RANBP2: variants seen among roughly 807,000 people sequenced by gnomAD.
RANBP2 encodes the protein RAN binding protein 2.
A neutral mutation model predicts 303.6 loss-of-function variants in RANBP2; 57 were observed. The ratio of observed to expected loss-of-function variants is 0.19; its 90% CI spans 0.15 to 0.23. RANBP2 has a LOEUF of 0.23. RANBP2 is among the 10% of genes least tolerant of loss of function. The pLI, the probability that RANBP2 is intolerant of heterozygous loss-of-function variation, is 1.00. For missense variants in RANBP2, 3,138 were observed against 3,780.8 expected (o/e 0.83, Z 4.46); for synonymous variants, 1,167 against 1,301.5 (o/e 0.90, Z 2.23).
the RANBP2 span, among the ~76,000 whole-genome samples, chr2:109,475,679 A>G: frequency 6.6e-6 from 1 of 152,252 alleles, no homozygotes; most frequent in East Asian, 1.9e-4. Context: ...CCCAATTTCT[A>G]CTTTGTGGAT....
the RANBP2 span, among the ~76,000 whole-genome samples, chr2:109,412,248 T>C: frequency 6.6e-6 from 1 of 152,246 alleles, no homozygotes. Context: ...CCTTGGTCTC[T>C]CCTGGCCAAA....
At chr2:109,717,685 G>A in the RANBP2 span, among the ~76,000 whole-genome samples, 13 of 152,202 alleles carry the variant, frequency 8.5e-5, no homozygotes, top group Admixed American at 3.9e-4. Flanking sequence ...AGTCCAAGGC[G>A]GGTAGATCAA....
At chr2:109,452,531 C>A in the RANBP2 span, among the ~76,000 whole-genome samples, 1 of 152,222 alleles carries the variant, frequency 6.6e-6, no homozygotes, top group South Asian at 2.1e-4. Context: ...CCCTTCCATG[C>A]ATGTACCAGA....
At chr2:109,037,043 G>A in the RANBP2 span, among the ~76,000 whole-genome samples, 2 of 152,134 alleles carry the variant, frequency 1.3e-5, no homozygotes, top group East Asian at 1.9e-4. Context: ...TACTTGGGAG[G>A]CTGAGGTGGG....
the RANBP2 span, among the ~76,000 whole-genome samples, chr2:109,477,230 C>T: frequency 6.6e-6 from 1 of 152,230 alleles, no homozygotes; most frequent in African/African-American, 2.4e-5. Context: ...TGCACACCCT[C>T]ACGTGGTGAC....
At chr2:109,193,765 A>G in the RANBP2 span, among the ~76,000 whole-genome samples, 16 of 152,308 alleles carry the variant, frequency 1.1e-4, no homozygotes, top group South Asian at 3.3e-3. Flanking sequence ...AGGGAGGGCA[A>G]TTAAAGGGAA....
intron 6 of RANBP2, among the ~76,000 whole-genome samples, chr2:108,737,545 C>T (rs1271958324): frequency 3.6e-5 from 5 of 139,408 alleles, no homozygotes; most frequent in Admixed American, 1.4e-4. Flanking sequence ...AGGATGGTCT[C>T]AAGCTCTTTT....
At chr2:109,771,359 T>G in the RANBP2 span, among the ~76,000 whole-genome samples, 1 of 80,622 alleles carries the variant, frequency 1.2e-5, no homozygotes, top group South Asian at 5.3e-4. Context: ...GTGGATAAAG[T>G]CCGTTCTGCC....
the RANBP2 span, among the ~76,000 whole-genome samples, chr2:109,249,665 C>A: frequency 2.8e-5 from 4 of 141,498 alleles, no homozygotes; most frequent in Non-Finnish European, 6.2e-5. Flanking sequence ...TTCTTTCTTT[C>A]TTGACAGAGT....
intron 18 of RANBP2, among the ~76,000 whole-genome samples, chr2:108,760,643 G>GT (rs571596750): frequency 8.8e-4 from 134 of 152,188 alleles, no homozygotes; most frequent in African/African-American, 3.1e-3. Context: ...CAATTTTTAA[G>GT]TTTTTTTAAT....
At chr2:109,519,310 G>T in the RANBP2 span, among the ~76,000 whole-genome samples, 2 of 152,090 alleles carry the variant, frequency 1.3e-5, no homozygotes, top group African/African-American at 4.8e-5. Context: ...CTTAGAAACT[G>T]CCCCCATGAT....
chr2:109,639,266 T>G, the RANBP2 span, among the ~76,000 whole-genome samples: 1 of 152,214 alleles, frequency 6.6e-6, no homozygotes, highest in Non-Finnish European at 1.5e-5. Flanking sequence ...GAAAAGAGAA[T>G]TCCTCTAAAG....
chr2:108,921,936 G>A, the RANBP2 span, among the ~76,000 whole-genome samples: 3 of 152,238 alleles, frequency 2.0e-5, no homozygotes, highest in African/African-American at 7.2e-5. Context: ...GCTTTCCTCG[G>A]AGCCGGCTTT....
the RANBP2 span, among the ~76,000 whole-genome samples, chr2:108,953,743 C>T: frequency 6.6e-6 from 1 of 152,030 alleles, no homozygotes; most frequent in Non-Finnish European, 1.5e-5. Context: ...GCGATGGAAA[C>T]AATAAAGAAG....
the RANBP2 span, among the ~76,000 whole-genome samples, chr2:109,629,726 G>T: frequency 6.6e-6 from 1 of 151,670 alleles, no homozygotes; most frequent in Non-Finnish European, 1.5e-5. Flanking sequence ...CAGAAGAATC[G>T]CTTGAACTCA....
chr2:108,982,332 C>A, the RANBP2 span, among the ~76,000 whole-genome samples: 2 of 152,196 alleles, frequency 1.3e-5, no homozygotes, highest in Non-Finnish European at 2.9e-5. Context: ...AAGCCTCAGA[C>A]CCTCCCTGGT....
chr2:108,846,599 C>A, the RANBP2 span: 1 of 647,086 alleles, frequency 1.5e-6, no homozygotes, highest in Non-Finnish European at 2.6e-6. Context: ...ATTGCTTGAG[C>A]CCAGGAGTTT....
At chr2:109,117,619 C>T in the RANBP2 span, among the ~76,000 whole-genome samples, 7 of 152,336 alleles carry the variant, frequency 4.6e-5, no homozygotes, top group African/African-American at 1.7e-4. Context: ...TGCTTCAGCT[C>T]GCGCACGGTG....
chr2:108,977,878 A>G, the RANBP2 span, among the ~76,000 whole-genome samples: 1 of 152,208 alleles, frequency 6.6e-6, no homozygotes, highest in Admixed American at 6.5e-5. Flanking sequence ...ACCACAAGAC[A>G]TCATATTAAA....
Sources: gnomAD v4.1 joint callset for allele counts (sites outside exome capture counted in the v4.1 genomes callset) on GRCh38, gnomAD v4.1.1 for gene constraint, MANE v1.5 for transcripts, NCBI Gene and HGNC (gene_info 2026-07-23, HGNC 2026-07-21) for gene names.